Variants in INSL6 observed in about 807,000 individuals in gnomAD.
INSL6 encodes the protein insulin-like peptide INSL6.
In INSL6, 16 loss-of-function variants were observed where a neutral mutation model predicts 9.4. The ratio of observed to expected loss-of-function variants is 1.70; its 90% CI spans 1.15 to 2.59. The LOEUF (loss-of-function observed/expected upper bound fraction) is 2.59. INSL6 is among the 30% of genes most tolerant of loss of function. INSL6 has a pLI of 0.00. For missense variants in INSL6, 391 were observed against 257.3 expected (o/e 1.52, Z -3.56); for synonymous variants, 154 against 96.9 (o/e 1.59, Z -3.46).
At chr9:5,105,456 G>A in the INSL6 span, among the ~76,000 whole-genome samples, 1 of 152,184 alleles carries the variant, frequency 6.6e-6, no homozygotes, top group African/African-American at 2.4e-5. Flanking sequence ...TCATGGATAG[G>A]AAGAATCAAT....
the INSL6 span, chr9:5,089,620 T>G: frequency 1.2e-6 from 1 of 824,044 alleles, no homozygotes; most frequent in South Asian, 4.5e-5. Context: ...AAAATTTATT[T>G]GTAATTTGCC....
chr9:5,063,742 C>G, the INSL6 span, among the ~76,000 whole-genome samples: 719 of 152,238 alleles, frequency 4.7e-3, 4 homozygotes, highest in African/African-American at 0.015. Flanking sequence ...CTCTTTGTTA[C>G]AAATGGGGCT....
chr9:5,167,196 G>A (rs1360062), intron 1 of INSL6, among the ~76,000 whole-genome samples: 1,543 of 152,264 alleles, frequency 0.01, 18 homozygotes, highest in African/African-American at 0.036. Flanking sequence ...AGGCAGTGAG[G>A]GATTGTGCTA....
the INSL6 span, among the ~76,000 whole-genome samples, chr9:5,082,439 C>T: frequency 3.3e-5 from 5 of 152,342 alleles, no homozygotes; most frequent in South Asian, 6.2e-4. Context: ...CAACATGTCT[C>T]GCCTCCCGCC....
At chr9:5,038,942 G>A in the INSL6 span, among the ~76,000 whole-genome samples, 1 of 151,980 alleles carries the variant, frequency 6.6e-6, no homozygotes, top group Admixed American at 6.6e-5. Context: ...AAAAGTATTT[G>A]ATAAAATCCA....
intron 2 of INSL6, among the ~76,000 whole-genome samples, chr9:5,136,790 G>T (rs1233677543): frequency 6.6e-6 from 1 of 152,160 alleles, no homozygotes; most frequent in Admixed American, 6.5e-5. Flanking sequence ...GCAAGAGAAA[G>T]AAATAAAGGG....
downstream of INSL6, among the ~76,000 whole-genome samples, chr9:5,161,453 T>G (rs72701654): frequency 6.6e-6 from 1 of 152,018 alleles, no homozygotes; most frequent in Non-Finnish European, 1.5e-5. Context: ...CCATATATGA[T>G]AGACCCACAG....
chr9:5,065,543 G>C, the INSL6 span, among the ~76,000 whole-genome samples: 1 of 152,180 alleles, frequency 6.6e-6, no homozygotes, highest in Non-Finnish European at 1.5e-5. Flanking sequence ...CTAGCTACAT[G>C]TGGCTGTTTA....
the INSL6 span, among the ~76,000 whole-genome samples, chr9:5,018,384 G>A: frequency 2.0e-5 from 3 of 152,138 alleles, no homozygotes; most frequent in South Asian, 6.2e-4. Flanking sequence ...CCTCCAGGCT[G>A]GAGTGCAGTG....
chr9:5,016,755 C>A, the INSL6 span, among the ~76,000 whole-genome samples: 1 of 152,162 alleles, frequency 6.6e-6, no homozygotes, highest in Non-Finnish European at 1.5e-5. Context: ...TGCCCTCCCA[C>A]TATCCCAACC....
the INSL6 span, among the ~76,000 whole-genome samples, chr9:5,106,231 G>T: frequency 1.1e-4 from 16 of 152,070 alleles, no homozygotes; most frequent in African/African-American, 3.9e-4. Flanking sequence ...TCAAAAAGTG[G>T]GCAAAGGATA....
the INSL6 span, chr9:5,091,048 T>C: frequency 1.5e-6 from 1 of 646,638 alleles, no homozygotes; most frequent in Non-Finnish European, 2.6e-6. Flanking sequence ...CATTTAACTT[T>C]TTTTTTTTAG....
At chr9:5,002,480 A>G in the INSL6 span, among the ~76,000 whole-genome samples, 2 of 152,080 alleles carry the variant, frequency 1.3e-5, no homozygotes, top group East Asian at 1.9e-4. Context: ...CAATTTTGCT[A>G]TGGCCAAGAA....
the INSL6 span, among the ~76,000 whole-genome samples, chr9:5,019,906 C>G: frequency 2.0e-5 from 3 of 152,180 alleles, no homozygotes. Context: ...TGGACTGATC[C>G]TCAGTCCTCA....
chr9:5,138,284 T>C (rs898051737), intron 2 of INSL6, among the ~76,000 whole-genome samples: 3 of 152,152 alleles, frequency 2.0e-5, no homozygotes, highest in African/African-American at 4.8e-5. Flanking sequence ...CATGCACACA[T>C]ATGTTTACTG....
the INSL6 span, chr9:5,054,472 G>T: frequency 9.0e-7 from 1 of 1,108,844 alleles, no homozygotes. This position sits in a 1 kb window ranked among gnomAD's most constrained non-coding sequence, Gnocchi z 4.9. Context: ...CTTAATCATG[G>T]AAAAAGGTGG....
In INSL6 at chr9:5,164,100, C is replaced by T. The variant is rs750419451; in HGVS notation, c.455G>A (p.Arg152Lys). 1.4e-5 allele frequency: 22 copies of T among 1,612,680 alleles called. No homozygotes were observed. In the African/African-American group the frequency reaches 2.4e-4, roughly 18 times the overall value. Residue 152 changes from arginine (R) to lysine (K), a missense_variant, in exon 2 of 2, where the codon AGA becomes AAA. By Grantham distance (26) the Arg-to-Lys change is conservative. Transcript: ENST00000381641. The stretch of plus-strand genomic sequence containing the variant: ...ATTGCTTAAGGTTTTAATTTTGTTT[C>T]TACGTTTCTTCTGAAATTTTGCATT... Reference protein sequence around the residue: ...HENAKFQKKRRNKIKTLSNLF... With the variant: ...HENAKFQKKRKNKIKTLSNLF...
At chr9:5,172,927 C>G (rs1441287640) in intron 1 of INSL6, among the ~76,000 whole-genome samples, 1 of 139,118 alleles carries the variant, frequency 7.2e-6, no homozygotes, top group East Asian at 2.1e-4. Context: ...GACTCCACCT[C>G]AAAAGAAAAA....
chr9:5,021,023 C>T, the INSL6 span, among the ~76,000 whole-genome samples: 1 of 152,134 alleles, frequency 6.6e-6, no homozygotes, highest in Non-Finnish European at 1.5e-5. Context: ...ACTCCCAGGG[C>T]CCATGAAAGT....
Sources: gnomAD v4.1 joint callset for allele counts (sites outside exome capture counted in the v4.1 genomes callset) on GRCh38, gnomAD v4.1.1 for gene constraint, Gnocchi (gnomAD v3.1) non-coding constraint, MANE v1.5 for transcripts, NCBI Gene and HGNC (gene_info 2026-07-23, HGNC 2026-07-21) for gene names.